The following SOX30 variants were observed in gnomAD, a reference collection of about 807,000 sequenced individuals.
SOX30 encodes SRY-box transcription factor 30.
SOX30 carries 17 observed loss-of-function variants against 58.6 expected under a neutral mutation model. The ratio of observed to expected loss-of-function variants is 0.29; its 90% confidence interval spans 0.20 to 0.44. The LOEUF (loss-of-function observed/expected upper bound fraction) is 0.44, where lower values mean the gene tolerates loss of function less well. SOX30 is among the 20% of genes least tolerant of loss of function. SOX30 has a pLI of 1.00. For synonymous variants in SOX30, 421 were observed against 400.2 expected (o/e 1.05, Z -0.62); for missense variants, 951 against 965.8 (o/e 0.98, Z 0.20).
chr5:157,667,061 G>C (rs573437732), intron 2 of SOX30, among the ~76,000 whole-genome samples: 42 of 152,240 alleles, frequency 2.8e-4, no homozygotes, highest in African/African-American at 9.4e-4. Context: ...TCTTCCACTA[G>C]GTATCTGAAG....
At chr5:157,645,893 C>G (rs949904934) in intron 3 of SOX30, among the ~76,000 whole-genome samples, 12 of 151,860 alleles carry the variant, frequency 7.9e-5, no homozygotes, top group South Asian at 2.1e-4. Flanking sequence ...GATGGTGCAT[C>G]CCTGTAATCC....
chr5:157,629,677 T>C (rs939662775), intron 4 of SOX30, among the ~76,000 whole-genome samples: 3 of 152,196 alleles, frequency 2.0e-5, no homozygotes, highest in African/African-American at 7.2e-5. Flanking sequence ...TTTTTAGGCA[T>C]TGGCCAAGGA....
Position 157,648,828 on chromosome 5 carries a change from C to T in SOX30, c.1036G>A (p.Val346Ile), listed in dbSNP as rs759363136. The T allele has an allele frequency of 8.7e-6, 14 of 1,612,268 alleles. No individual in the cohort carries two copies. The highest frequency in any genetic ancestry group is 2.7e-5 in the African/African-American group (2 of 74,198). The change falls in exon 2 of 5, where the codon GTT becomes ATT. Residue 346 changes from valine to isoleucine, a missense_variant. Val to Ile is a conservative substitution (Grantham distance 29). This residue lies in a region of SOX30 where 1 missense variants were observed against 16.4 expected (regional missense o/e 0.06). Coordinates refer to ENST00000265007, the MANE Select transcript of SOX30 (RefSeq NM_178424.2). ...GCTGGTCGGTGGATCCTTGCCCAAA[C>T]CATAAATGCGTTCATGGGTCGCTTC... ...HVKRPMNAFM[V>I]WARIHRPALA...
Position 157,626,422 on chromosome 5 carries a change from G to A in SOX30, c.2180C>T (p.Thr727Ile), listed in dbSNP as rs754688848. ...GTLENVFTAP[T>I]STPSSIQQVN... ...TTGCTGGATGCTAGAAGGAGTTGAT[G>A]TCGGGGCTGTGAAGACATTCTCCAA... The change falls in exon 5 of 5, where the codon ACA becomes ATA. Residue 727 changes from threonine (T) to isoleucine (I), a missense_variant. Thr to Ile is a moderately conservative substitution (Grantham distance 89, BLOSUM62 -1). Transcript: ENST00000265007. 3.1e-6 allele frequency: 5 copies of A among 1,614,038 alleles called. No homozygotes were observed. The highest frequency in any genetic ancestry group is 1.6e-4 in the Middle Eastern group (1 of 6,084).
At position 157,631,047 on chromosome 5, in the gene SOX30, T is replaced by TTATA. The variant is rs755427047; in HGVS notation, c.1881-4330_1881-4327dup. ...TATATATATATACAATATATATATT[T>TTATA]TATATATATATATATATATATACAC... On this transcript the variant is annotated intron_variant, in intron 4 of 4. Coordinates refer to ENST00000265007, the MANE Select transcript of SOX30 (RefSeq NM_178424.2). Among the ~76,000 whole-genome samples the TTATA allele has an allele frequency of 8.4e-3, 445 of 53,248 alleles. 2 individuals carry two copies. The highest frequency in any genetic ancestry group is 0.072 in the East Asian group (78 of 1,078). The allele number at this position is 53,248 out of a possible 152,430, so 34.9% of individuals were successfully genotyped here.
intron 1 of SOX30, among the ~76,000 whole-genome samples, chr5:157,670,727 A>G (rs1426125405): frequency 6.6e-6 from 1 of 152,212 alleles, no homozygotes; most frequent in African/African-American, 2.4e-5. Flanking sequence ...ATCTGGTTCG[A>G]TCTTCAAACC....
chr5:157,635,167 A>C (rs1457032798), intron 4 of SOX30, among the ~76,000 whole-genome samples: 1 of 152,254 alleles, frequency 6.6e-6, no homozygotes, highest in African/African-American at 2.4e-5. Flanking sequence ...CTTTTCTAAA[A>C]AACTATGCAT....
intron 1 of SOX30, among the ~76,000 whole-genome samples, chr5:157,671,021 T>C (rs1759769690): frequency 1.3e-5 from 2 of 152,200 alleles, no homozygotes; most frequent in African/African-American, 4.8e-5. Context: ...CTTCTTCGCC[T>C]GCTCGGTGTC....
At chr5:157,638,095 T>C in intron 4 of SOX30, 135 bp downstream of exon 4, 1 of 864,044 alleles carries the variant, frequency 1.2e-6, no homozygotes, top group Non-Finnish European at 1.7e-6. Flanking sequence ...TTATGTTAAC[T>C]GCTTGGCTCC....
rs1224879901 is a variant in SOX30 at position 157,651,600 on chromosome 5, G to C, written c.479C>G (p.Pro160Arg). ...CAACTTGACCACCCTGGAGGCTCTA[G>C]GACCGGTTTCGACGGCCCCTCGAGG... is the stretch of plus-strand genomic sequence containing the variant. ...VGPRGAVETGPRASRVVKLEG... is the reference protein window; with the variant it reads ...VGPRGAVETGRRASRVVKLEG... The change falls in exon 1 of 5, where the codon CCT becomes CGT. Residue 160 changes from proline (P) to arginine (R), a missense_variant. Pro to Arg is a moderately radical substitution (Grantham distance 103). Coordinates refer to ENST00000265007, the MANE Select transcript of SOX30 (RefSeq NM_178424.2). 1 of 1,612,970 alleles carries C rather than the reference G, an allele frequency of 6.2e-7. No individual in the cohort carries two copies. The highest frequency in any genetic ancestry group is 1.7e-5 in the Admixed American group (1 of 60,012).
intron 4 of SOX30, among the ~76,000 whole-genome samples, chr5:157,634,078 A>T (rs1047247067): frequency 2.0e-5 from 3 of 152,204 alleles, no homozygotes; most frequent in East Asian, 3.8e-4. Flanking sequence ...CAGGAATAAG[A>T]TGTTAGCCCC....
chr5:157,654,696 G>C (rs1476988065), upstream of SOX30, among the ~76,000 whole-genome samples: 1 of 152,162 alleles, frequency 6.6e-6, no homozygotes, highest in Non-Finnish European at 1.5e-5. Context: ...AAACCTTGCT[G>C]ATAAAACGGG....
chr5:157,643,343 C>G (rs1759115260), intron 3 of SOX30, among the ~76,000 whole-genome samples: 1 of 152,118 alleles, frequency 6.6e-6, no homozygotes, highest in Non-Finnish European at 1.5e-5. Flanking sequence ...TCACTTGAAC[C>G]CCGGAGGTGG....
intron 2 of SOX30, among the ~76,000 whole-genome samples, chr5:157,666,159 GT>G (rs1759666191): frequency 6.6e-6 from 1 of 151,840 alleles, no homozygotes; most frequent in Non-Finnish European, 1.5e-5. Flanking sequence ...GTTTTTGTTT[GT>G]TTGTTTGTTT....
At chr5:157,630,296 C>T (rs944052844) in intron 4 of SOX30, among the ~76,000 whole-genome samples, 1 of 152,146 alleles carries the variant, frequency 6.6e-6, no homozygotes, top group Admixed American at 6.5e-5. Flanking sequence ...GTCTCAGCTT[C>T]CTTGGGGATA....
Position 157,669,485 on chromosome 5 carries a change from A to ATTTT in SOX30, c.-3-1637_-3-1634dup, listed in dbSNP as rs1319382130. Among the ~76,000 whole-genome samples, 570 of 113,070 alleles carry ATTTT rather than the reference A, an allele frequency of 5.0e-3. 8 individuals carry two copies. Among genetic ancestry groups the ATTTT allele is most frequent in the African/African-American group, 0.018 (517 of 29,508 alleles). The allele number at this position is 113,070 out of a possible 152,430, so 74.2% of individuals were successfully genotyped here. On this transcript the variant is annotated intron_variant, in intron 1 of 5. Coordinates refer to the SOX30 transcript ENST00000519442. ...TAGGTGTGAGCCACCGCGCCCATCA[A>ATTTT]TTTTATTTATTTATTTATTTATTTA...
At chr5:157,667,167 G>A (rs1759690054) in intron 2 of SOX30, among the ~76,000 whole-genome samples, 1 of 152,184 alleles carries the variant, frequency 6.6e-6, no homozygotes, top group African/African-American at 2.4e-5. Context: ...AAGAAGTGGA[G>A]GGATGGGACG....
chr5:157,655,200 G>A (rs565443323), upstream of SOX30, among the ~76,000 whole-genome samples: 252 of 152,204 alleles, frequency 1.7e-3, 2 homozygotes, highest in African/African-American at 5.8e-3. Context: ...TGGAAACCCC[G>A]ACCCAAAGGC....
chr5:157,630,967 C>A (rs1291909918), intron 4 of SOX30, among the ~76,000 whole-genome samples: 5 of 124,434 alleles, frequency 4.0e-5, no homozygotes, highest in Admixed American at 9.2e-5. Context: ...TATATATACA[C>A]TATATATTTT....
Sources: gnomAD v4.1 joint callset for allele counts (sites outside exome capture counted in the v4.1 genomes callset) on GRCh38, gnomAD v4.1.1 for gene constraint, gnomAD v4.1.1 regional missense constraint, MANE v1.5 for transcripts, NCBI Gene and HGNC (gene_info 2026-07-23, HGNC 2026-07-21) for gene names.